Variants in NFATC3 observed in about 807,000 individuals in gnomAD.
The protein encoded by NFATC3 is nuclear factor of activated T cells 3, also known as nuclear factor of activated T-cells, cytoplasmic 3.
Under a neutral mutation model 98.6 loss-of-function variants are expected in NFATC3, and 46 were observed. The ratio of observed to expected loss-of-function variants is 0.47; its 90% CI spans 0.37 to 0.60. NFATC3 has a LOEUF of 0.60. Among genes scored for constraint, NFATC3 ranks in the 20% least tolerant of loss-of-function variants. NFATC3 has a pLI of 0.00. For missense variants in NFATC3, 1,256 were observed against 1,295.5 expected (o/e 0.97, Z 0.47); for synonymous variants, 512 against 472.2 (o/e 1.08, Z -1.09).
At chr16:68,142,283 T>A (rs1280100120) in intron 3 of NFATC3, among the ~76,000 whole-genome samples, 2 of 152,220 alleles carry the variant, frequency 1.3e-5, no homozygotes, top group Non-Finnish European at 2.9e-5. Context: ...CTTGTAAAGA[T>A]CTTTTACCTC....
At chr16:68,095,447 G>T (rs2034969361) in intron 1 of NFATC3, among the ~76,000 whole-genome samples, 1 of 147,728 alleles carries the variant, frequency 6.8e-6, no homozygotes, top group South Asian at 2.1e-4. Flanking sequence ...CCACCTCCCA[G>T]GTTCAAGTGA....
At chr16:68,182,174 GAGAA>G (rs1448065478) in intron 7 of NFATC3, among the ~76,000 whole-genome samples, 5 of 152,258 alleles carry the variant, frequency 3.3e-5, no homozygotes, top group Admixed American at 1.3e-4. Flanking sequence ...ATGGAAAAAT[GAGAA>G]AGAACATATG....
chr16:68,203,234 A>G (rs951110561), intron 9 of NFATC3, among the ~76,000 whole-genome samples: 1 of 152,320 alleles, frequency 6.6e-6, no homozygotes, highest in Middle Eastern at 3.4e-3. Flanking sequence ...TTTATTTTTT[A>G]TATCGAATGC....
At chr16:68,217,464 C>CA (rs68079157) in intron 9 of NFATC3, among the ~76,000 whole-genome samples, 3,227 of 44,706 alleles carry the variant, frequency 0.072, 279 homozygotes, top group Non-Finnish European at 0.08. Context: ...GTCTCTGTCT[C>CA]AAAAAAAAAA....
rs766827395 is a variant in NFATC3, at chr16:68,166,995, C to T, written c.1754C>T (p.Ala585Val). 9.9e-6 allele frequency: 16 copies of T among 1,613,478 alleles called. No individual in the cohort carries two copies. The highest frequency in any genetic ancestry group is 1.4e-5 in the Non-Finnish European group (16 of 1,179,822). ...PSGKVLSLQI[A>V]SIPVECSQRS... ...GGAAAAGTCCTTTCTCTGCAGATAG[C>T]CTCTATACCCGTTGAGTGCTGTAAG... The change falls in exon 5 of 10, where the codon GCC (alanine) becomes GTC (valine). Residue 585 changes from alanine (A) to valine (V), a missense_variant. By Grantham distance (64) the Ala-to-Val change is moderately conservative. This residue lies in a region of NFATC3 where 636 missense variants were observed against 617.3 expected (regional missense o/e 1.03). Coordinates refer to ENST00000346183, the MANE Select transcript of NFATC3 (RefSeq NM_173165.3).
At chr16:68,190,576 C>T (rs1408449130) in intron 8 of NFATC3, among the ~76,000 whole-genome samples, 192 bp from the exon 9 acceptor site, 3 of 152,104 alleles carry the variant, frequency 2.0e-5, no homozygotes, top group African/African-American at 4.8e-5. Context: ...AGAAGCAAAA[C>T]GTGTATGTGT....
chr16:68,192,247 ATATATATGTATGTG>A lies in NFATC3; in HGVS notation c.3106+480_3106+493del, dbSNP rs1175454146. 5.1e-4 allele frequency: 57 copies of A among 111,602 alleles called. No homozygotes were observed. In the East Asian group the frequency reaches 0.012, roughly 23 times the overall value. The allele number at this position is 111,602 out of a possible 1,614,324, so 6.9% of individuals were successfully genotyped here. A position where few individuals can be genotyped will look rare whatever the true frequency, so the allele number is the denominator to read the frequency against. ...AAAAAAAAAATATATATATATATAT[ATATATATGTATGTG>A]TATATATATATGTATGTGTATATAT... On this transcript the variant is annotated intron_variant, in intron 9 of 9. Coordinates refer to ENST00000346183, the MANE Select transcript of NFATC3 (RefSeq NM_173165.3).
chr16:68,128,498 C>A (rs1216018074), intron 3 of NFATC3, among the ~76,000 whole-genome samples: 1 of 151,766 alleles, frequency 6.6e-6, no homozygotes, highest in Admixed American at 6.6e-5. Context: ...AAATTATTTA[C>A]AAGTGTATAA....
intron 1 of NFATC3, among the ~76,000 whole-genome samples, chr16:68,102,075 A>G (rs531160987): frequency 4.6e-5 from 7 of 152,074 alleles, no homozygotes; most frequent in East Asian, 1.9e-4. Flanking sequence ...GTGACCTTAT[A>G]TATTTAAAGG....
chr16:68,215,470 A>C (rs1025796395), intron 9 of NFATC3, among the ~76,000 whole-genome samples: 1 of 152,252 alleles, frequency 6.6e-6, no homozygotes, highest in African/African-American at 2.4e-5. Flanking sequence ...TTCCAGTGTT[A>C]AGCCCAGTGT....
intron 2 of NFATC3, 137 bp downstream of exon 2, chr16:68,123,258 C>A: frequency 1.2e-6 from 1 of 818,682 alleles, no homozygotes. Context: ...AAAAATTTTA[C>A]CAAATAACTT....
intron 1 of NFATC3, chr16:68,088,959 A>G (rs2034556199): frequency 6.1e-6 from 6 of 985,246 alleles, no homozygotes; most frequent in South Asian, 4.7e-5. Context: ...CACTGCACAT[A>G]GCCCCTATAT....
intron 1 of NFATC3, among the ~76,000 whole-genome samples, chr16:68,090,136 C>G (rs1218542440): frequency 6.6e-6 from 1 of 151,970 alleles, no homozygotes; most frequent in African/African-American, 2.4e-5. Context: ...AATTTACTGT[C>G]TCTTAGATAA....
intron 9 of NFATC3, among the ~76,000 whole-genome samples, chr16:68,193,777 C>T (rs549863584): frequency 6.6e-6 from 1 of 152,178 alleles, no homozygotes; most frequent in Non-Finnish European, 1.5e-5. Context: ...TGGACCCAGA[C>T]AGCTCAAAGC....
At chr16:68,121,849 C>T in intron 1 of NFATC3, 138 bp from the exon 2 acceptor site, 1 of 946,570 alleles carries the variant, frequency 1.1e-6, no homozygotes, top group South Asian at 1.8e-5. Context: ...TTTAGTGGAG[C>T]TAATGACATA....
rs528888837 is a variant in NFATC3, at chr16:68,085,761, C to T, written c.80C>T (p.Pro27Leu). Residue 27 changes from proline to leucine, a missense_variant, in exon 1 of 10, where the codon CCG becomes CTG. Physicochemically the swap from Pro to Leu is moderately conservative, Grantham distance 98. This residue lies in a region of NFATC3 where 464 missense variants were observed against 465.7 expected (regional missense o/e 1.00). Coordinates refer to ENST00000346183, the MANE Select transcript of NFATC3 (RefSeq NM_173165.3). ...GGCGAGGACGGGGCGCCGGCGCCGC[C>T]GCCCCCGGGCTCGCGGCCTGCAGGT... Reference protein sequence around the residue: ...VFGEDGAPAPPPPGSRPADLE... With the variant: ...VFGEDGAPAPLPPGSRPADLE... The T allele has an allele frequency of 3.3e-6, 5 of 1,500,044 alleles. No homozygotes were observed. The African/African-American group carries it at 4.4e-5, about 13-fold the overall frequency. 92.9% of individuals were successfully genotyped at this position (1,500,044 alleles called of 1,614,324 possible).
At chr16:68,173,873 G>GT (rs1386466050) in intron 5 of NFATC3, among the ~76,000 whole-genome samples, 4 of 152,270 alleles carry the variant, frequency 2.6e-5, no homozygotes, top group African/African-American at 9.6e-5. Context: ...AATTGGCTGG[G>GT]TGTGGTGGCT....
At chr16:68,152,459 G>C (rs925284179) in intron 3 of NFATC3, among the ~76,000 whole-genome samples, 1 of 151,176 alleles carries the variant, frequency 6.6e-6, no homozygotes, top group African/African-American at 2.4e-5. Flanking sequence ...TACCATTCTA[G>C]ACCAGGGGTT....
chr16:68,176,038 G>T (rs950308182), intron 6 of NFATC3, among the ~76,000 whole-genome samples: 1 of 151,440 alleles, frequency 6.6e-6, no homozygotes, highest in African/African-American at 2.4e-5. Flanking sequence ...GAGTGCGGTG[G>T]CACTATCTCA....
Sources: gnomAD v4.1 joint callset for allele counts (sites outside exome capture counted in the v4.1 genomes callset) on GRCh38, gnomAD v4.1.1 for gene constraint, gnomAD v4.1.1 regional missense constraint, MANE v1.5 for transcripts, NCBI Gene and HGNC (gene_info 2026-07-23, HGNC 2026-07-21) for gene names.